Variants in CYP2A13 observed in about 807,000 individuals in gnomAD.
The protein encoded by CYP2A13 is cytochrome P450 2A13.
A neutral mutation model predicts 39.4 loss-of-function variants in CYP2A13; 30 were observed. The observed-to-expected ratio is 0.76, with a 90% CI of 0.57 to 1.03. The LOEUF (loss-of-function observed/expected upper bound fraction) is 1.03, where lower values mean the gene tolerates loss of function less well. Among genes scored for constraint, CYP2A13 ranks in the 50% least tolerant of loss-of-function variants. CYP2A13 has a pLI of 0.00. For synonymous variants in CYP2A13, 269 were observed against 254.7 expected (o/e 1.06, Z -0.54); for missense variants, 731 against 648.4 (o/e 1.13, Z -1.38).
chr19:41,089,728 C>T (rs1410682511), intron 2 of CYP2A13, among the ~76,000 whole-genome samples: 1 of 151,590 alleles, frequency 6.6e-6, no homozygotes, highest in Non-Finnish European at 1.5e-5. Context: ...GGAGTATCCC[C>T]GTATCCCTCT....
chr19:41,093,745 T>C lies in CYP2A13; in HGVS notation c.947T>C (p.Leu316Pro), dbSNP rs1353564810. The change falls in exon 6 of 9, where the codon CTG (leucine) becomes CCG (proline). Residue 316 changes from leucine (L) to proline (P), a missense_variant. Leu to Pro is a moderately conservative substitution (Grantham distance 98). Transcript: ENST00000330436. ...ACCACCCTGCGCTACGGTTTCCTGC[T>C]GCTCATGAAGCACCCAGAGGTGGAG... ...VSTTLRYGFLLLMKHPEVEAK... is the reference protein window; with the variant it reads ...VSTTLRYGFLPLMKHPEVEAK... 41 of 1,613,918 alleles carry C rather than the reference T, an allele frequency of 2.5e-5. 1 individual carries two copies. The highest frequency in any genetic ancestry group is 3.4e-5 in the Non-Finnish European group (40 of 1,179,998).
In CYP2A13 at chr19:41,090,215, G is replaced by GTGC. The variant is rs1164627490; in HGVS notation, c.493+20_493+22dup. The GTGC allele has an allele frequency of 3.9e-6, 6 of 1,552,054 alleles. No individual in the cohort carries two copies. ...ACGCACGGTGAGTAGGGGACCCCGA[G>GTGC]TGCGAGGGCGGGAACCCGCGCTTTC... On this transcript the variant is annotated intron_variant, in intron 3 of 8. Coordinates refer to ENST00000330436, the MANE Select transcript of CYP2A13 (RefSeq NM_000766.5).
In CYP2A13 at chr19:41,094,952, C is replaced by T. The variant is rs199563596; in HGVS notation, c.1162-7C>T. On this transcript the variant is annotated splice_polypyrimidine_tract_variant and splice_region_variant and intron_variant, in intron 7 of 8. Coordinates refer to ENST00000330436, the MANE Select transcript of CYP2A13 (RefSeq NM_000766.5). ...CTCATTACACACACCTTCCTCCTCC[C>T]TCCCAGGGCACTGAAGTGTTCCCTA... 18 of 1,614,038 alleles carry T rather than the reference C, an allele frequency of 1.1e-5. No individual in the cohort carries two copies. In the East Asian group the frequency reaches 4.0e-4, roughly 36 times the overall value.
intron 1 of CYP2A13, 135 bp from the exon 2 acceptor site, chr19:41,088,794 G>A (rs544121236): frequency 6.5e-7 from 1 of 1,539,388 alleles, no homozygotes; most frequent in East Asian, 2.3e-5. Flanking sequence ...TAGCAGGAAA[G>A]ACAGGATCTT....
chr19:41,094,003 C>T (rs146252886), intron 6 of CYP2A13, among the ~76,000 whole-genome samples: 67 of 152,250 alleles, frequency 4.4e-4, no homozygotes, highest in Non-Finnish European at 9.4e-4. Context: ...ACTGAGTGTC[C>T]GCTGCCTGCT....
Position 41,094,443 on chromosome 19 carries a change from C to G in CYP2A13, c.1161+11C>G, listed in dbSNP as rs1305399062. 3 of 1,613,882 alleles carry G rather than the reference C, an allele frequency of 1.9e-6. No homozygotes were observed. In the South Asian group the frequency reaches 3.3e-5, roughly 18 times the overall value. ...TTCTTCCTCCCTAAGGTGCTGTCTC[C>G]CCTCCACCACCACCACTCAGACTAC... On this transcript the variant is annotated intron_variant, in intron 7 of 8. Transcript: ENST00000330436.
At position 41,088,501 on chromosome 19, in the gene CYP2A13, C is replaced by A. The variant is rs745761055; in HGVS notation, c.30C>A (p.Thr10=). Reference sequence around the variant, plus strand: ...TGGCCTCAGGGCTGCTTCTGGTGACCTTGCTGGCCTGCCTGACTGTGATGG... The same window carrying A: ...TGGCCTCAGGGCTGCTTCTGGTGACATTGCTGGCCTGCCTGACTGTGATGG... MLASGLLLV[T]LLACLTVMVL... The change falls in exon 1 of 9, where the codon ACC becomes ACA. Residue 10 remains threonine, a synonymous_variant. Coordinates refer to ENST00000330436, the MANE Select transcript of CYP2A13 (RefSeq NM_000766.5). 9.9e-6 allele frequency: 16 copies of A among 1,613,948 alleles called. 1 individual carries two copies. In the South Asian group the frequency reaches 1.8e-4, roughly 18 times the overall value.
intron 6 of CYP2A13, 35 bp from the exon 7 acceptor site, chr19:41,094,210 C>T: frequency 6.2e-7 from 1 of 1,610,514 alleles, no homozygotes. Flanking sequence ...CTCTAAGACC[C>T]CTAGACACCT....
rs1568368069 is a variant in CYP2A13, at chr19:41,094,247, A to G, written c.976A>G (p.Lys326Glu). 2 of 1,613,700 alleles carry G rather than the reference A, an allele frequency of 1.2e-6. No homozygotes were observed. Among genetic ancestry groups the G allele is most frequent in the Non-Finnish European group, 1.7e-6 (2 of 1,179,764 alleles). Residue 326 changes from lysine (K) to glutamate (E), a missense_variant and splice_region_variant, in exon 7 of 9, where the codon AAG (lysine) becomes GAG (glutamate). Lys to Glu is a moderately conservative substitution (Grantham distance 56). Coordinates refer to ENST00000330436, the MANE Select transcript of CYP2A13 (RefSeq NM_000766.5). ...LLMKHPEVEA[K>E]VHEEIDRVIG... ...AACACATTCCCCTCCTCCCCCAGCC[A>G]AGGTCCATGAGGAGATTGACAGAGT...
chr19:41,091,294 C>T (rs1287121414), intron 4 of CYP2A13, among the ~76,000 whole-genome samples: 1 of 152,292 alleles, frequency 6.6e-6, no homozygotes, highest in East Asian at 1.9e-4. Context: ...ACAAAAGCCC[C>T]CAATCCAGAC....
intron 3 of CYP2A13, 69 bp downstream of exon 3, chr19:41,090,265 G>A (rs2031158337): frequency 1.3e-6 from 2 of 1,557,650 alleles, no homozygotes; most frequent in African/African-American, 1.4e-5. Flanking sequence ...GACTAGGTGG[G>A]GAAAGGGGCC....
intron 8 of CYP2A13, 56 bp from the exon 9 acceptor site, chr19:41,095,704 T>G (rs1709082): frequency 0.12 from 184,264 of 1,601,130 alleles, 13,909 homozygotes; most frequent in African/African-American, 0.36. Flanking sequence ...TCAGTAGGGG[T>G]TGAGGCTGCA....
chr19:41,090,189 CACGCACG>C lies in CYP2A13; in HGVS notation c.487_493del (p.Thr163AlafsTer10), dbSNP rs2031155074. The C allele has an allele frequency of 6.3e-7, 1 of 1,578,678 alleles. No homozygotes were observed. Among genetic ancestry groups the C allele is most frequent in the Admixed American group, 1.8e-5 (1 of 56,872 alleles). ...GCTTCCTCATCGACGCCCTCCGGGG[CACGCACG>C]GTGAGTAGGGGACCCCGAGTGCGAG... is the stretch of plus-strand genomic sequence containing the variant. On this transcript the variant is annotated frameshift_variant and splice_region_variant, in exon 3 of 9. Transcript: ENST00000330436. LOFTEE classifies it high-confidence loss of function.
chr19:41,088,763 G>C, intron 1 of CYP2A13, 112 bp downstream of exon 1: 1 of 1,537,474 alleles, frequency 6.5e-7, no homozygotes, highest in Non-Finnish European at 8.8e-7. Flanking sequence ...AGGGAGTCTT[G>C]GAGTTTCAGC....
chr19:41,090,059 G>C lies in CYP2A13; in HGVS notation c.356G>C (p.Ser119Thr), dbSNP rs1035199013. The C allele has an allele frequency of 6.2e-7, 1 of 1,612,628 alleles. No individual in the cohort carries two copies. Among genetic ancestry groups the C allele is most frequent in the African/African-American group, 1.3e-5 (1 of 74,868 alleles). Residue 119 changes from serine to threonine, a missense_variant, in exon 3 of 9, where the codon AGC becomes ACC. Coordinates refer to ENST00000330436, the MANE Select transcript of CYP2A13 (RefSeq NM_000766.5). The part of the protein sequence containing the change: ...WLFKGYGVAF[S>T]NGERAKQLRR... ...TTCACCTCCCCAGGCGTGGCGTTCA[G>C]CAACGGGGAGCGCGCCAAGCAGCTC...
chr19:41,093,597 G>T lies in CYP2A13; in HGVS notation c.832-33G>T, dbSNP rs1265271312. 1.9e-6 allele frequency: 3 copies of T among 1,613,392 alleles called. No individual in the cohort carries two copies. The African/African-American group carries it at 4.0e-5, about 22-fold the overall frequency. ...TAGAAGGGCCCCAAGAGCATGGAGA[G>T]TGAGCTTGGTCTAAACCGCCCTCTC... On this transcript the variant is annotated intron_variant, in intron 5 of 8. Transcript: ENST00000330436.
At chr19:41,093,914 G>C in intron 6 of CYP2A13, 143 bp downstream of exon 6, 1 of 981,920 alleles carries the variant, frequency 1.0e-6, no homozygotes, top group Non-Finnish European at 1.5e-6. Context: ...TCAGCTGATA[G>C]GCATCAGCTG....
chr19:41,094,488 C>G lies in CYP2A13; in HGVS notation c.1161+56C>G, dbSNP rs1373033569. ...GACTACGGGGACTTCCAGCCTCTCTCTGTGTCCCCAGAATCCTGCCCCCAT... is the reference window on the plus strand; with the variant it reads ...GACTACGGGGACTTCCAGCCTCTCTGTGTGTCCCCAGAATCCTGCCCCCAT... On this transcript the variant is annotated intron_variant, in intron 7 of 8. Coordinates refer to ENST00000330436, the MANE Select transcript of CYP2A13 (RefSeq NM_000766.5). 15 of 1,598,028 alleles carry G rather than the reference C, an allele frequency of 9.4e-6. No individual in the cohort carries two copies. The South Asian group carries it at 1.5e-4, about 16-fold the overall frequency.
intron 5 of CYP2A13, among the ~76,000 whole-genome samples, chr19:41,092,884 G>T (rs1387609399): frequency 2.0e-5 from 3 of 152,136 alleles, no homozygotes; most frequent in Non-Finnish European, 2.9e-5. Context: ...GGATGCTGTT[G>T]CTTAAAATTC....
Sources: gnomAD v4.1 joint callset for allele counts (sites outside exome capture counted in the v4.1 genomes callset) on GRCh38, gnomAD v4.1.1 for gene constraint, MANE v1.5 for transcripts, NCBI Gene and HGNC (gene_info 2026-07-23, HGNC 2026-07-21) for gene names.